RBMS1: variants seen among roughly 807,000 people sequenced by gnomAD.
The protein encoded by RBMS1 is RNA-binding motif, single-stranded-interacting protein 1.
A neutral mutation model predicts 62.3 loss-of-function variants in RBMS1; 17 were observed. The observed-to-expected ratio is 0.27, with a 90% CI of 0.19 to 0.41. The LOEUF is 0.41. Ranked by LOEUF, RBMS1 falls within the 10% of genes least tolerant of loss-of-function variation. RBMS1 has a pLI of 1.00. For synonymous variants in RBMS1, 172 were observed against 170.0 expected (o/e 1.01, Z -0.09); for missense variants, 334 against 504.5 (o/e 0.66, Z 3.24).
At chr2:160,456,238 T>C (rs2105326062) in intron 1 of RBMS1, among the ~76,000 whole-genome samples, 1 of 152,344 alleles carries the variant, frequency 6.6e-6, no homozygotes. Flanking sequence ...TGTTAGGTAC[T>C]GTGCTAAGTG....
intron 1 of RBMS1, among the ~76,000 whole-genome samples, chr2:160,451,769 C>T (rs890016353): frequency 5.9e-5 from 9 of 152,056 alleles, no homozygotes; most frequent in East Asian, 3.9e-4. Context: ...CCACCACTCC[C>T]GGCTAAATTT....
At chr2:160,476,555 T>C (rs1204254380) in intron 1 of RBMS1, among the ~76,000 whole-genome samples, 1 of 141,738 alleles carries the variant, frequency 7.1e-6, no homozygotes, top group East Asian at 2.1e-4. Flanking sequence ...ACACTTCTTT[T>C]TTTTTTTTTT....
At chr2:160,485,041 T>C (rs1171940619) in intron 1 of RBMS1, among the ~76,000 whole-genome samples, 1 of 152,200 alleles carries the variant, frequency 6.6e-6, no homozygotes, top group Non-Finnish European at 1.5e-5. Flanking sequence ...GCTGTGAGGC[T>C]GTAGTAATCT....
chr2:160,439,791 G>A (rs1006695017), intron 1 of RBMS1, among the ~76,000 whole-genome samples: 1 of 152,212 alleles, frequency 6.6e-6, no homozygotes, highest in African/African-American at 2.4e-5. Flanking sequence ...ACGAGACTCC[G>A]TCTGCAATCC....
At chr2:160,282,202 T>C in intron 9 of RBMS1, 1 of 1,340,268 alleles carries the variant, frequency 7.5e-7, no homozygotes, top group Non-Finnish European at 1.0e-6. Context: ...ACTTCAGAGG[T>C]TCAACAGAGA....
rs139815103 is a variant in RBMS1, at chr2:160,294,333, A to G, written c.640+6318T>C. Among the ~76,000 whole-genome samples the G allele has an allele frequency of 4.9e-3, 746 of 152,334 alleles. 10 individuals are homozygous for G. Among genetic ancestry groups the G allele is most frequent in the African/African-American group, 0.017 (719 of 41,582 alleles). On this transcript the variant is annotated intron_variant, in intron 6 of 13. Coordinates refer to ENST00000348849, the MANE Select transcript of RBMS1 (RefSeq NM_016836.4). ...TTTCAGAAAGCAGACGGCACTAGAA[A>G]TTGTGATGTGGTACATTAGATTTTT...
chr2:160,416,979 A>G (rs1358208463), intron 1 of RBMS1, among the ~76,000 whole-genome samples: 1 of 152,240 alleles, frequency 6.6e-6, no homozygotes, highest in African/African-American at 2.4e-5. Context: ...GTCAACTTAT[A>G]AAAGTGAGAG....
chr2:160,471,338 T>C (rs537117714), intron 1 of RBMS1, among the ~76,000 whole-genome samples: 3 of 152,190 alleles, frequency 2.0e-5, no homozygotes, highest in African/African-American at 7.2e-5. Flanking sequence ...AATGCAGAAT[T>C]ACTAAAATGA....
chr2:160,349,185 A>G (rs971254400), intron 2 of RBMS1, among the ~76,000 whole-genome samples: 3 of 152,080 alleles, frequency 2.0e-5, no homozygotes, highest in African/African-American at 7.2e-5. Context: ...TTTATTAGCA[A>G]TTCTGCCAGG....
At position 160,362,544 on chromosome 2, in the gene RBMS1, A is replaced by C. The variant is rs1161302067; in HGVS notation, c.251+4672T>G. Among the ~76,000 whole-genome samples, 3 of 152,212 alleles carry C rather than the reference A, an allele frequency of 2.0e-5. No individual in the cohort carries two copies. The East Asian group carries it at 5.8e-4, about 29-fold the overall frequency. On this transcript the variant is annotated intron_variant, in intron 2 of 13. Coordinates refer to ENST00000348849, the MANE Select transcript of RBMS1 (RefSeq NM_016836.4). ...CCAGCCAGTGGAGCAGTCAGAACAC[A>C]CATAACATTTATTGATTAAGTCCTA...
At chr2:160,324,892 A>G (rs1343273587) in intron 2 of RBMS1, among the ~76,000 whole-genome samples, 8 of 103,130 alleles carry the variant, frequency 7.8e-5, no homozygotes, top group African/African-American at 1.9e-4. Context: ...GTATATATAT[A>G]TATATATATA....
rs1265121000 is a variant in RBMS1 at position 160,281,472 on chromosome 2, G to C, written c.901-108C>G. The C allele has an allele frequency of 5.7e-6, 5 of 874,780 alleles. No homozygotes were observed. In the African/African-American group the frequency reaches 8.6e-5, roughly 15 times the overall value. 54.2% of individuals were successfully genotyped at this position (874,780 alleles called of 1,614,324 possible). ...TAAAAATCTACAGAAAGAAAACAAG[G>C]AAACAATACTATCAATGATTAAAAA... is the stretch of plus-strand genomic sequence containing the variant. On this transcript the variant is annotated intron_variant, in intron 9 of 13. Coordinates refer to ENST00000348849, the MANE Select transcript of RBMS1 (RefSeq NM_016836.4).
At chr2:160,309,611 G>A (rs945930874) in intron 4 of RBMS1, among the ~76,000 whole-genome samples, 6 of 152,174 alleles carry the variant, frequency 3.9e-5, no homozygotes, top group Admixed American at 1.3e-4. Context: ...TTCACTTCAA[G>A]GAGCTATAGG....
At chr2:160,366,847 T>C (rs1327231318) in intron 2 of RBMS1, 2 of 166,566 alleles carry the variant, frequency 1.2e-5, no homozygotes, top group African/African-American at 4.8e-5. Flanking sequence ...CAAACAATGA[T>C]AGCTAAAGTT....
intron 1 of RBMS1, among the ~76,000 whole-genome samples, chr2:160,468,540 A>G (rs986809723): frequency 5.9e-5 from 9 of 152,236 alleles, no homozygotes; most frequent in African/African-American, 2.2e-4. Flanking sequence ...AATTTCAACA[A>G]AAAACATACA....
intron 6 of RBMS1, among the ~76,000 whole-genome samples, chr2:160,300,188 A>G (rs1574239656): frequency 6.6e-6 from 1 of 152,266 alleles, no homozygotes; most frequent in Admixed American, 6.5e-5. Context: ...GTGACATTGG[A>G]ATGAAAAACC....
At chr2:160,347,058 G>C (rs1692226178) in intron 2 of RBMS1, among the ~76,000 whole-genome samples, 1 of 152,030 alleles carries the variant, frequency 6.6e-6, no homozygotes, top group Non-Finnish European at 1.5e-5. Flanking sequence ...GAGTCTTTCA[G>C]CTTTAACTTA....
At chr2:160,328,656 TC>T (rs1296602054) in intron 2 of RBMS1, among the ~76,000 whole-genome samples, 1 of 151,482 alleles carries the variant, frequency 6.6e-6, no homozygotes, top group African/African-American at 2.4e-5. Flanking sequence ...ATTAGCACCC[TC>T]CCCCCGCCCC....
chr2:160,297,963 TAA>T (rs1402460695), intron 6 of RBMS1, among the ~76,000 whole-genome samples: 1 of 152,050 alleles, frequency 6.6e-6, no homozygotes, highest in Non-Finnish European at 1.5e-5. Flanking sequence ...TTTTTAACAA[TAA>T]AGTGACACAT....
Sources: gnomAD v4.1 joint callset for allele counts (sites outside exome capture counted in the v4.1 genomes callset) on GRCh38, gnomAD v4.1.1 for gene constraint, MANE v1.5 for transcripts, NCBI Gene and HGNC (gene_info 2026-07-23, HGNC 2026-07-21) for gene names.